The following LUZP2 variants were observed in gnomAD, a reference collection of about 807,000 sequenced individuals.
LUZP2 encodes leucine zipper protein 2.
LUZP2 carries 52 observed loss-of-function variants against 51.6 expected under a neutral mutation model. The ratio of observed to expected loss-of-function variants is 1.01; its 90% CI spans 0.81 to 1.27. The LOEUF is 1.27. LUZP2 is among the 50% of genes most tolerant of loss of function. LUZP2 has a pLI of 0.00. For synonymous variants in LUZP2, 154 were observed against 137.3 expected (o/e 1.12, Z -0.85); for missense variants, 436 against 395.4 (o/e 1.10, Z -0.87).
intron 1 of LUZP2, among the ~76,000 whole-genome samples, chr11:24,665,609 C>A (rs1464100462): frequency 6.6e-6 from 1 of 152,062 alleles, no homozygotes; most frequent in Admixed American, 6.6e-5. Flanking sequence ...GGGGGCATTT[C>A]CCCCCATGCT....
chr11:25,066,184 C>A (rs1035871426), intron 10 of LUZP2, among the ~76,000 whole-genome samples: 2 of 148,974 alleles, frequency 1.3e-5, no homozygotes, highest in African/African-American at 5.0e-5. Flanking sequence ...CTGAAAAAAT[C>A]TCCCAACTCT....
intron 4 of LUZP2, among the ~76,000 whole-genome samples, chr11:24,740,685 A>G (rs1176350027): frequency 6.6e-6 from 1 of 152,152 alleles, no homozygotes; most frequent in Non-Finnish European, 1.5e-5. Context: ...TAATCTCTCT[A>G]AAATTATATC....
chr11:24,911,000 C>G (rs1243837809), intron 6 of LUZP2, among the ~76,000 whole-genome samples: 1 of 152,166 alleles, frequency 6.6e-6, no homozygotes. Context: ...TCAGCATAAC[C>G]TGGATGTGAG....
intron 5 of LUZP2, among the ~76,000 whole-genome samples, chr11:24,847,310 A>T (rs935155501): frequency 1.3e-5 from 2 of 151,976 alleles, no homozygotes; most frequent in African/African-American, 4.8e-5. Flanking sequence ...CACTCATTGC[A>T]TATAGTTGGC....
chr11:25,007,691 G>A (rs1223405091), intron 9 of LUZP2, among the ~76,000 whole-genome samples: 1 of 152,120 alleles, frequency 6.6e-6, no homozygotes, highest in Non-Finnish European at 1.5e-5. Context: ...TTCAGAGTTG[G>A]TGTTTACTGT....
chr11:24,646,736 C>A, intron 1 of LUZP2: 1 of 290,188 alleles, frequency 3.4e-6, no homozygotes, highest in Non-Finnish European at 5.1e-6. Flanking sequence ...CTCCAAACTG[C>A]AAGGTAACTT....
intron 9 of LUZP2, among the ~76,000 whole-genome samples, chr11:25,039,028 G>A (rs886346212): frequency 1.1e-4 from 17 of 152,170 alleles, no homozygotes; most frequent in African/African-American, 3.6e-4. Flanking sequence ...ATTCACAGCT[G>A]TTTTCTGTGG....
chr11:24,850,841 T>C (rs1851370728), intron 5 of LUZP2, among the ~76,000 whole-genome samples: 1 of 152,202 alleles, frequency 6.6e-6, no homozygotes, highest in Admixed American at 6.5e-5. Context: ...TTCACATCCC[T>C]TGTAAGTTGT....
intron 5 of LUZP2, among the ~76,000 whole-genome samples, chr11:24,833,250 T>A (rs573923797): frequency 6.6e-6 from 1 of 152,292 alleles, no homozygotes; most frequent in African/African-American, 2.4e-5. Context: ...GATTTCTATC[T>A]CTGTAACAAT....
chr11:24,869,012 A>C (rs1409352531), intron 5 of LUZP2, among the ~76,000 whole-genome samples: 2 of 152,176 alleles, frequency 1.3e-5, no homozygotes, highest in African/African-American at 4.8e-5. Context: ...TATCTTTTGC[A>C]TCTTTGCCAG....
chr11:24,640,599 ATAAAC>A (rs1356202079), intron 1 of LUZP2, among the ~76,000 whole-genome samples: 6 of 151,962 alleles, frequency 3.9e-5, no homozygotes, highest in South Asian at 2.1e-4. Context: ...TGTTTGGCAC[ATAAAC>A]TAAACTGTGA....
chr11:25,004,499 C>T (rs1267796197), intron 9 of LUZP2, among the ~76,000 whole-genome samples: 1 of 152,112 alleles, frequency 6.6e-6, no homozygotes, highest in Non-Finnish European at 1.5e-5. Context: ...AGATTTTGTT[C>T]AGGGCCCAGG....
At chr11:24,934,940 T>G (rs145178362) in intron 7 of LUZP2, among the ~76,000 whole-genome samples, 203 of 152,342 alleles carry the variant, frequency 1.3e-3, no homozygotes, top group Non-Finnish European at 2.4e-3. Flanking sequence ...TACCAGGATT[T>G]GTTTACTATT....
chr11:24,958,287 C>G (rs1855272195), intron 7 of LUZP2, among the ~76,000 whole-genome samples: 2 of 152,170 alleles, frequency 1.3e-5, no homozygotes, highest in African/African-American at 4.8e-5. Flanking sequence ...ATGGCTGGGT[C>G]AAATGGCATT....
At chr11:25,007,831 T>C (rs575646056) in intron 9 of LUZP2, among the ~76,000 whole-genome samples, 2 of 152,278 alleles carry the variant, frequency 1.3e-5, no homozygotes, top group East Asian at 1.9e-4. Context: ...ATTATGGTTA[T>C]TAAAATTTTG....
chr11:24,860,997 C>T (rs1192736287), intron 5 of LUZP2, among the ~76,000 whole-genome samples: 3 of 152,074 alleles, frequency 2.0e-5, no homozygotes, highest in Non-Finnish European at 2.9e-5. Flanking sequence ...AAGATGGTAA[C>T]AAAGAACTAT....
At chr11:24,899,078 A>T (rs995655667) in intron 5 of LUZP2, among the ~76,000 whole-genome samples, 3 of 152,190 alleles carry the variant, frequency 2.0e-5, no homozygotes, top group African/African-American at 7.2e-5. Context: ...GTAATAAACT[A>T]TCAAATTTTC....
chr11:24,963,049 T>C (rs1473448885), intron 7 of LUZP2, among the ~76,000 whole-genome samples: 1 of 152,206 alleles, frequency 6.6e-6, no homozygotes, highest in Non-Finnish European at 1.5e-5. Flanking sequence ...TTTGCCTGGG[T>C]ATCAGCAGCG....
rs530017576 is a variant in LUZP2, at chr11:24,615,410, G to T, written c.63-113759G>T. Among the ~76,000 whole-genome samples the T allele has an allele frequency of 5.3e-4, 80 of 152,106 alleles. No individual in the cohort carries two copies. The South Asian group carries it at 0.016, about 30-fold the overall frequency. On this transcript the variant is annotated intron_variant, in intron 1 of 11. Coordinates refer to ENST00000336930, the MANE Select transcript of LUZP2 (RefSeq NM_001009909.4). Reference sequence around the variant, plus strand: ...CTTTATAAATACAATAATATAGTATGTAAGCTTTTGAATTTGACCTTTTAT... The same window carrying T: ...CTTTATAAATACAATAATATAGTATTTAAGCTTTTGAATTTGACCTTTTAT...
Sources: allele counts gnomAD v4.1 joint callset (sites outside exome capture counted in the v4.1 genomes callset), GRCh38; gene constraint gnomAD v4.1.1; transcripts MANE v1.5; gene names NCBI Gene and HGNC (gene_info 2026-07-23, HGNC 2026-07-21).